The following ACOX2 variants were observed in gnomAD, a reference collection of about 807,000 sequenced individuals.
ACOX2 encodes the protein acyl-CoA oxidase 2.
ACOX2 carries 59 observed loss-of-function variants against 77.5 expected under a neutral mutation model. The ratio of observed to expected loss-of-function variants is 0.76; its 90% confidence interval spans 0.62 to 0.95. The LOEUF (loss-of-function observed/expected upper bound fraction) is 0.95. Among genes scored for constraint, ACOX2 ranks in the 40% least tolerant of loss-of-function variants. ACOX2 has a pLI of 0.00. For synonymous variants in ACOX2, 317 were observed against 340.1 expected (o/e 0.93, Z 0.75); for missense variants, 837 against 880.4 (o/e 0.95, Z 0.62).
rs932613669 is a variant in ACOX2 at position 58,512,552 on chromosome 3, C to T, written c.1851-3527G>A. 1.3e-5 allele frequency among the ~76,000 whole-genome samples: 2 copies of T among 152,276 alleles called. No homozygotes were observed. The highest frequency in any genetic ancestry group is 2.9e-5 in the Non-Finnish European group (2 of 68,032). On this transcript the variant is annotated intron_variant, in intron 13 of 14. Transcript: ENST00000302819. The surrounding 1 kb of genome is among the most constrained non-coding windows in gnomAD (Gnocchi z 4.8). ...AAGTCTTTGCAATGATCTACCTTAC[C>T]GTCTCTTCCCACCCCCTACTGTACT...
rs749677711 is a variant in ACOX2 at position 58,530,632 on chromosome 3, G to C, written c.826C>G (p.Pro276Ala). The C allele has an allele frequency of 6.2e-7, 1 of 1,613,956 alleles. No homozygotes were observed. Among genetic ancestry groups the C allele is most frequent in the East Asian group, 2.2e-5 (1 of 44,876 alleles). Residue 276 changes from proline to alanine, a missense_variant, in exon 8 of 15, where the codon CCA (proline) becomes GCA (alanine). Physicochemically the swap from Pro to Ala is conservative, Grantham distance 27. Transcript: ENST00000302819. The part of the protein sequence containing the change: ...NMLSRFAQVL[P>A]DGTYVKLGTA... ...CCGAGTTTGACGTAGGTGCCATCTGGCAAGACCTGTGTGGAACAAGGACGG... is the reference window on the plus strand; with the variant it reads ...CCGAGTTTGACGTAGGTGCCATCTGCCAAGACCTGTGTGGAACAAGGACGG...
At chr3:58,508,054 T>C (rs2063247381) in intron 14 of ACOX2, among the ~76,000 whole-genome samples, 1 of 152,232 alleles carries the variant, frequency 6.6e-6, no homozygotes, top group Non-Finnish European at 1.5e-5. Context: ...CTATAGACTT[T>C]TTGTTTTGAT....
At position 58,512,667 on chromosome 3, in the gene ACOX2, T is replaced by C. The variant is rs2063296849; in HGVS notation, c.1851-3642A>G. ...CTCTTCTGTGTTCTCTGGATGGATA[T>C]GCCAAGCACACTCTGGTCTCCAACA... On this transcript the variant is annotated intron_variant, in intron 13 of 14. Coordinates refer to ENST00000302819, the MANE Select transcript of ACOX2 (RefSeq NM_003500.4). This position sits in a 1 kb window ranked among gnomAD's most constrained non-coding sequence, Gnocchi z 4.8. Among the ~76,000 whole-genome samples, 2 of 152,200 alleles carry C rather than the reference T, an allele frequency of 1.3e-5. No individual in the cohort carries two copies. The highest frequency in any genetic ancestry group is 2.9e-5 in the Non-Finnish European group (2 of 68,030).
Position 58,533,776 on chromosome 3 carries a change from A to C in ACOX2, c.475+218T>G. Reference sequence around the variant, plus strand: ...AGAAGGGGTGGCTGCTGATGTTTCCAGAAGGAATGACTTGCCCCACTGGGA... The same window carrying C: ...AGAAGGGGTGGCTGCTGATGTTTCCCGAAGGAATGACTTGCCCCACTGGGA... On this transcript the variant is annotated intron_variant, in intron 4 of 14. Coordinates refer to ENST00000302819, the MANE Select transcript of ACOX2 (RefSeq NM_003500.4). This position sits in a 1 kb window ranked among gnomAD's most constrained non-coding sequence, Gnocchi z 5.6. The C allele has an allele frequency of 1.4e-6, 1 of 702,344 alleles. No individual in the cohort carries two copies. The highest frequency in any genetic ancestry group is 2.7e-5 in the East Asian group (1 of 36,868). 43.5% of individuals were successfully genotyped at this position (702,344 alleles called of 1,614,324 possible). A position where few individuals can be genotyped will look rare whatever the true frequency, so the allele number is the denominator to read the frequency against.
In ACOX2 at chr3:58,521,113, G is replaced by A. The variant is rs572863699; in HGVS notation, c.1632+1383C>T. Among the ~76,000 whole-genome samples, 54 of 152,326 alleles carry A rather than the reference G, an allele frequency of 3.5e-4. No homozygotes were observed. Among genetic ancestry groups the A allele is most frequent in the Non-Finnish European group, 2.9e-5 (2 of 68,020 alleles). Reference sequence around the variant, plus strand: ...TGTTTTGGTGATCCAGTGAAAGCAGGAAGCCTTGGCTCACCCTCTGTGTTG... The same window carrying A: ...TGTTTTGGTGATCCAGTGAAAGCAGAAAGCCTTGGCTCACCCTCTGTGTTG... On this transcript the variant is annotated intron_variant, in intron 12 of 14. Coordinates refer to ENST00000302819, the MANE Select transcript of ACOX2 (RefSeq NM_003500.4). The surrounding 1 kb of genome is among the most constrained non-coding windows in gnomAD (Gnocchi z 4.8).
rs568935853 is a variant in ACOX2 at position 58,522,838 on chromosome 3, A to G, written c.1527-237T>C. On this transcript the variant is annotated intron_variant, in intron 11 of 14. Transcript: ENST00000302819. This position sits in a 1 kb window ranked among gnomAD's most constrained non-coding sequence, Gnocchi z 4.3. ...TTAACCAATTTGTCCAGGGTCACACAGCTAGTAAGGAGTGGAGCCAGGATT... is the reference window on the plus strand; with the variant it reads ...TTAACCAATTTGTCCAGGGTCACACGGCTAGTAAGGAGTGGAGCCAGGATT... 5.1e-5 allele frequency: 24 copies of G among 472,606 alleles called. No homozygotes were observed. The Admixed American group carries it at 6.6e-4, about 13-fold the overall frequency. The allele number at this position is 472,606 out of a possible 1,614,324, so 29.3% of individuals were successfully genotyped here. A position where few individuals can be genotyped will look rare whatever the true frequency, so the allele number is the denominator to read the frequency against.
chr3:58,523,933 A>G lies in ACOX2; in HGVS notation c.1526+493T>C, dbSNP rs2063376656. Among the ~76,000 whole-genome samples the G allele has an allele frequency of 6.6e-6, 1 of 152,196 alleles. No individual in the cohort carries two copies. The highest frequency in any genetic ancestry group is 2.4e-5 in the African/African-American group (1 of 41,448). The stretch of plus-strand genomic sequence containing the variant: ...CAATATTTGTTGAATGACAGAATGG[A>G]TGAGTCCTTGGTTTTGTCCATGTTC... On this transcript the variant is annotated intron_variant, in intron 11 of 14. Coordinates refer to ENST00000302819, the MANE Select transcript of ACOX2 (RefSeq NM_003500.4). The surrounding 1 kb of genome is among the most constrained non-coding windows in gnomAD (Gnocchi z 5.3).
Position 58,526,075 on chromosome 3 carries a change from G to A in ACOX2, c.1346+391C>T, listed in dbSNP as rs1238863764. 1.3e-5 allele frequency among the ~76,000 whole-genome samples: 2 copies of A among 152,112 alleles called. No homozygotes were observed. Among genetic ancestry groups the A allele is most frequent in the African/African-American group, 2.4e-5 (1 of 41,420 alleles). ...AGGAGGTGGTGAGAGCAGGATGGACGGGGAGGCAGGGGTCAGGTCACATGG... is the reference window on the plus strand; with the variant it reads ...AGGAGGTGGTGAGAGCAGGATGGACAGGGAGGCAGGGGTCAGGTCACATGG... On this transcript the variant is annotated intron_variant, in intron 10 of 14. Transcript: ENST00000302819. The surrounding 1 kb of genome is among the most constrained non-coding windows in gnomAD (Gnocchi z 4.3).
chr3:58,534,245 C>G lies in ACOX2; in HGVS notation c.324-100G>C. 6.3e-7 allele frequency: 1 copy of G among 1,575,822 alleles called. No homozygotes were observed. The highest frequency in any genetic ancestry group is 8.6e-7 in the Non-Finnish European group (1 of 1,163,414). ...ACAGGAGATAAAGGGCACCTAGCATCCTGGTTTCCCAACAAGTCTTCCCTT... is the reference window on the plus strand; with the variant it reads ...ACAGGAGATAAAGGGCACCTAGCATGCTGGTTTCCCAACAAGTCTTCCCTT... On this transcript the variant is annotated intron_variant, in intron 3 of 14. Transcript: ENST00000302819. This position sits in a 1 kb window ranked among gnomAD's most constrained non-coding sequence, Gnocchi z 4.8.
chr3:58,522,804 C>G lies in ACOX2; in HGVS notation c.1527-203G>C, dbSNP rs1311601923. On this transcript the variant is annotated intron_variant, in intron 11 of 14. Transcript: ENST00000302819. This position sits in a 1 kb window ranked among gnomAD's most constrained non-coding sequence, Gnocchi z 4.3. ...AGTTTGCAATGGGGAAAACTGAGTC[C>G]CAGAGAGGTTAACCAATTTGTCCAG... is the stretch of plus-strand genomic sequence containing the variant. 8 of 527,396 alleles carry G rather than the reference C, an allele frequency of 1.5e-5. No individual in the cohort carries two copies. In the Admixed American group the frequency reaches 1.6e-4, roughly 10 times the overall value. The allele number at this position is 527,396 out of a possible 1,614,324, so 32.7% of individuals were successfully genotyped here.
chr3:58,522,428 T>C lies in ACOX2; in HGVS notation c.1632+68A>G, dbSNP rs2063364749. On this transcript the variant is annotated intron_variant, in intron 12 of 14. Transcript: ENST00000302819. This position sits in a 1 kb window ranked among gnomAD's most constrained non-coding sequence, Gnocchi z 4.3. ...GGGGAATAATGGCAGAGCCCGGATT[T>C]TCCCAGCAGGGTAGCCTGCCTGGGA... The C allele has an allele frequency of 6.7e-7, 1 of 1,501,956 alleles. No individual in the cohort carries two copies. The highest frequency in any genetic ancestry group is 9.2e-7 in the Non-Finnish European group (1 of 1,083,376). The allele number at this position is 1,501,956 out of a possible 1,614,324, so 93.0% of individuals were successfully genotyped here.
Position 58,531,906 on chromosome 3 carries a change from G to C in ACOX2, c.584-94C>G, listed in dbSNP as rs2063443298. 6.9e-7 allele frequency: 1 copy of C among 1,458,086 alleles called. No homozygotes were observed. The highest frequency in any genetic ancestry group is 9.0e-7 in the Non-Finnish European group (1 of 1,108,334). 90.3% of individuals were successfully genotyped at this position (1,458,086 alleles called of 1,614,324 possible). On this transcript the variant is annotated intron_variant, in intron 5 of 14. Transcript: ENST00000302819. This position sits in a 1 kb window ranked among gnomAD's most constrained non-coding sequence, Gnocchi z 5.8. ...CTCCTGGGGCTGGGGTTTTGGATGG[G>C]TACCTCTGGGGCCCTGAAAAGTCAC...
intron 9 of ACOX2, among the ~76,000 whole-genome samples, chr3:58,527,536 G>GAAAAAAAA (rs71625626): frequency 7.4e-5 from 8 of 107,692 alleles, no homozygotes; most frequent in East Asian, 2.6e-4. Context: ...ACTGTCTCAG[G>GAAAAAAAA]AAAAAAAAAA....
chr3:58,527,547 A>AAAAAAAAAAAAG (rs1247928031), intron 9 of ACOX2, among the ~76,000 whole-genome samples: 2 of 151,542 alleles, frequency 1.3e-5, no homozygotes, highest in African/African-American at 4.9e-5. Context: ...AAAAAAAAAA[A>AAAAAAAAAAAAG]AAAGAAAGAA....
chr3:58,524,734 G>T lies in ACOX2; in HGVS notation c.1347-129C>A. On this transcript the variant is annotated intron_variant, in intron 10 of 14. Coordinates refer to ENST00000302819, the MANE Select transcript of ACOX2 (RefSeq NM_003500.4). This position sits in a 1 kb window ranked among gnomAD's most constrained non-coding sequence, Gnocchi z 5.5. ...TCCCGTGGGAGAGCCAGGTCACCAGGCCTCTGCCTGGCCTCCCTCCTGAGG... is the reference window on the plus strand; with the variant it reads ...TCCCGTGGGAGAGCCAGGTCACCAGTCCTCTGCCTGGCCTCCCTCCTGAGG... 6.7e-6 allele frequency: 7 copies of T among 1,051,608 alleles called. No homozygotes were observed. In the South Asian group the frequency reaches 9.7e-5, roughly 15 times the overall value. The allele number at this position is 1,051,608 out of a possible 1,614,324, so 65.1% of individuals were successfully genotyped here. A position where few individuals can be genotyped will look rare whatever the true frequency, so the allele number is the denominator to read the frequency against.
rs1254734249 is a variant in ACOX2, at chr3:58,519,581, A to G, written c.1633-2158T>C. 3.9e-5 allele frequency among the ~76,000 whole-genome samples: 6 copies of G among 152,162 alleles called. No homozygotes were observed. The highest frequency in any genetic ancestry group is 1.4e-4 in the African/African-American group (6 of 41,450). ...GAACCATGGAGGTTAGGGTGGACTCATACCTGGGGCCCAGGTCAGTGAAGG... is the reference window on the plus strand; with the variant it reads ...GAACCATGGAGGTTAGGGTGGACTCGTACCTGGGGCCCAGGTCAGTGAAGG... On this transcript the variant is annotated intron_variant, in intron 12 of 14. Transcript: ENST00000302819. This position sits in a 1 kb window ranked among gnomAD's most constrained non-coding sequence, Gnocchi z 5.0.
In ACOX2 at chr3:58,533,606, T is replaced by C; in HGVS notation, c.476-54A>G. ...TGGCCTGAGGTGGGGTTCTTACCTG[T>C]GAAGCTGCTTCTAGGTGGGTCTGAA... On this transcript the variant is annotated intron_variant, in intron 4 of 14. Coordinates refer to ENST00000302819, the MANE Select transcript of ACOX2 (RefSeq NM_003500.4). The surrounding 1 kb of genome is among the most constrained non-coding windows in gnomAD (Gnocchi z 5.6). 1 of 1,538,758 alleles carries C rather than the reference T, an allele frequency of 6.5e-7. No individual in the cohort carries two copies.
At chr3:58,517,170 T>C (rs2063326720) in intron 13 of ACOX2, 36 bp downstream of exon 13, 1 of 1,602,940 alleles carries the variant, frequency 6.2e-7, no homozygotes, top group Non-Finnish European at 8.5e-7. Flanking sequence ...GGTTATTCTC[T>C]GAAGACTAAC....
rs144682871 is a variant in ACOX2 at position 58,517,292 on chromosome 3, C to T, written c.1764G>A (p.Ser588=). The stretch of plus-strand genomic sequence containing the variant: ...GGAAGGCGTCATGGAGAAAGTCACC[C>T]GAGTTAGTCAAGATTCCATGTATGG... ...LHAIHGILTN[S]GDFLHDAFLS... is the part of the protein sequence containing the mutation. Residue 588 remains serine, a synonymous_variant, in exon 13 of 15, where the codon TCG becomes TCA. Coordinates refer to ENST00000302819, the MANE Select transcript of ACOX2 (RefSeq NM_003500.4). 514 of 1,614,164 alleles carry T rather than the reference C, an allele frequency of 3.2e-4. No individual in the cohort carries two copies. Among genetic ancestry groups the T allele is most frequent in the Non-Finnish European group, 4.0e-4 (471 of 1,180,036 alleles).
Sources: allele counts gnomAD v4.1 joint callset (sites outside exome capture counted in the v4.1 genomes callset), GRCh38; gene constraint gnomAD v4.1.1; non-coding constraint Gnocchi (gnomAD v3.1); transcripts MANE v1.5; gene names NCBI Gene and HGNC (gene_info 2026-07-23, HGNC 2026-07-21).